Variants in LRMDA observed in about 807,000 individuals in gnomAD.
The protein encoded by LRMDA is leucine-rich melanocyte differentiation-associated protein.
In LRMDA, 18 loss-of-function variants were observed where a neutral mutation model predicts 29.8. The ratio of observed to expected loss-of-function variants is 0.60; its 90% CI spans 0.42 to 0.90. The LOEUF is 0.90. Among genes scored for constraint, LRMDA ranks in the 40% least tolerant of loss-of-function variants. The probability of loss-of-function intolerance (pLI) is 0.00; values close to 1 mark genes in which losing one functional copy is unlikely to be tolerated. For synonymous variants in LRMDA, 125 were observed against 109.4 expected, an observed-to-expected ratio of 1.14 and a Z score of -0.89; for missense variants, 273 against 273.9, an observed-to-expected ratio of 1.00 and a Z score of 0.02.
chr10:76,064,135 C>T (rs2132060900), intron 5 of LRMDA, among the ~76,000 whole-genome samples: 1 of 152,280 alleles, frequency 6.6e-6, no homozygotes, highest in East Asian at 1.9e-4. Flanking sequence ...GGAAAGAAAC[C>T]ATTGCCTTTA....
chr10:76,316,309 G>T (rs2093512), intron 5 of LRMDA, among the ~76,000 whole-genome samples: 92,516 of 151,996 alleles, frequency 0.61, 31,648 homozygotes, highest in Non-Finnish European at 0.8. Flanking sequence ...GCCTGGTCCA[G>T]ATGCAGCCTC....
intron 2 of LRMDA, among the ~76,000 whole-genome samples, chr10:75,828,285 CT>C (rs1844280439): frequency 6.6e-6 from 1 of 152,114 alleles, no homozygotes; most frequent in Non-Finnish European, 1.5e-5. Context: ...TTATCATTTT[CT>C]TAAGGAGTTG....
intron 5 of LRMDA, among the ~76,000 whole-genome samples, chr10:76,313,239 T>G (rs755035654): frequency 3.3e-5 from 5 of 152,174 alleles, no homozygotes; most frequent in Non-Finnish European, 7.4e-5. Context: ...CTCGTGAAAC[T>G]TTGTGAAGAT....
At chr10:75,519,905 C>G (rs961031139) in intron 2 of LRMDA, among the ~76,000 whole-genome samples, 86 of 152,120 alleles carry the variant, frequency 5.7e-4, no homozygotes, top group African/African-American at 1.9e-3. Flanking sequence ...ATTTGTTTGT[C>G]TATTAAGGAT....
intron 5 of LRMDA, among the ~76,000 whole-genome samples, chr10:76,060,506 C>T (rs1410031912): frequency 1.3e-5 from 2 of 152,204 alleles, no homozygotes; most frequent in African/African-American, 2.4e-5. Context: ...GTTAACTGGG[C>T]TGCCCCAGGT....
At chr10:75,441,899 A>G (rs1264454492) in intron 2 of LRMDA, among the ~76,000 whole-genome samples, 3 of 152,180 alleles carry the variant, frequency 2.0e-5, no homozygotes. Context: ...GGCAAAGTTT[A>G]CTTTTAGGCA....
intron 2 of LRMDA, among the ~76,000 whole-genome samples, chr10:76,018,711 G>A (rs1394305149): frequency 2.6e-5 from 3 of 113,504 alleles, no homozygotes; most frequent in Non-Finnish European, 6.0e-5. Context: ...GAGACTACAG[G>A]TGTGCGCCAC....
intron 2 of LRMDA, among the ~76,000 whole-genome samples, chr10:75,662,057 C>CT (rs1255388710): frequency 6.6e-6 from 1 of 151,664 alleles, no homozygotes; most frequent in Non-Finnish European, 1.5e-5. Context: ...AACTGAGGAC[C>CT]TTTTCTTTTG....
chr10:75,456,298 CA>C (rs1428171535), intron 2 of LRMDA, among the ~76,000 whole-genome samples: 5 of 152,224 alleles, frequency 3.3e-5, no homozygotes, highest in African/African-American at 1.2e-4. Context: ...ACTCCTGCCA[CA>C]AGCATGTGCC....
At chr10:76,457,413 G>A (rs997347072) in intron 6 of LRMDA, among the ~76,000 whole-genome samples, 2 of 152,172 alleles carry the variant, frequency 1.3e-5, no homozygotes, top group African/African-American at 2.4e-5. Flanking sequence ...TCCAGCTGAG[G>A]TTGAACAAGG....
chr10:75,674,004 G>T (rs1327501748), intron 2 of LRMDA, among the ~76,000 whole-genome samples: 6 of 152,224 alleles, frequency 3.9e-5, no homozygotes, highest in African/African-American at 1.2e-4. Flanking sequence ...AAAGTCTGGG[G>T]ATAAAGCAAA....
rs148110721 is a variant in LRMDA at position 76,047,935 on chromosome 10, C to T, written c.398+632C>T. ...GAAATGCTTTTCGTTCTTCTCTCTA[C>T]TTCTCAACCATGTGCTTTAAAAGCC... is the stretch of plus-strand genomic sequence containing the variant. On this transcript the variant is annotated intron_variant, in intron 4 of 6. Transcript: ENST00000611255. Among the ~76,000 whole-genome samples the T allele has an allele frequency of 5.8e-3, 890 of 152,348 alleles. 7 individuals carry two copies. The highest frequency in any genetic ancestry group is 6.0e-3 in the Non-Finnish European group (409 of 68,034).
intron 5 of LRMDA, among the ~76,000 whole-genome samples, chr10:76,184,487 C>G (rs755194541): frequency 2.6e-5 from 4 of 152,202 alleles, no homozygotes; most frequent in Non-Finnish European, 4.4e-5. Flanking sequence ...AGCAGTTGCT[C>G]TCTTAAAACA....
At chr10:76,062,301 A>G (rs914463735) in intron 5 of LRMDA, among the ~76,000 whole-genome samples, 15 of 152,290 alleles carry the variant, frequency 9.8e-5, no homozygotes, top group African/African-American at 3.6e-4. Flanking sequence ...TATTCCTGAC[A>G]TAAAGAATTT....
At chr10:76,543,306 T>G (rs1843379524) in intron 6 of LRMDA, among the ~76,000 whole-genome samples, 1 of 142,736 alleles carries the variant, frequency 7.0e-6, no homozygotes, top group African/African-American at 2.6e-5. Context: ...TAGTTGTTAT[T>G]GGGGTGTGCC....
intron 2 of LRMDA, among the ~76,000 whole-genome samples, chr10:75,629,358 C>T (rs895385674): frequency 6.6e-6 from 1 of 152,164 alleles, no homozygotes; most frequent in Non-Finnish European, 1.5e-5. Flanking sequence ...TCTTCCTCCT[C>T]CTCCCCTTCT....
intron 5 of LRMDA, among the ~76,000 whole-genome samples, chr10:76,143,558 ATTTG>A (rs1850250013): frequency 6.6e-6 from 1 of 151,676 alleles, no homozygotes; most frequent in Non-Finnish European, 1.5e-5. Context: ...TTTCTTGTAA[ATTTG>A]TTTGAGTTCA....
chr10:76,294,998 G>A (rs942138984), intron 5 of LRMDA, among the ~76,000 whole-genome samples: 2 of 152,188 alleles, frequency 1.3e-5, no homozygotes, highest in African/African-American at 4.8e-5. Flanking sequence ...GGATCTTCAG[G>A]AGAGGCACTA....
chr10:76,339,236 A>T (rs1415993085), intron 6 of LRMDA, among the ~76,000 whole-genome samples: 33 of 151,158 alleles, frequency 2.2e-4, no homozygotes, highest in Admixed American at 2.2e-3. Flanking sequence ...ATTAGAAATT[A>T]TATTAAAAAA....
Sources: allele counts gnomAD v4.1 joint callset (sites outside exome capture counted in the v4.1 genomes callset), GRCh38; gene constraint gnomAD v4.1.1; transcripts MANE v1.5; gene names NCBI Gene and HGNC (gene_info 2026-07-23, HGNC 2026-07-21).